Variants in ROR2 observed in about 807,000 individuals in gnomAD.
ROR2 encodes the protein ROR family WNT receptor 2, also known as tyrosine-protein kinase transmembrane receptor ROR2.
ROR2 carries 33 observed loss-of-function variants against 74.9 expected under a neutral mutation model. The observed-to-expected ratio is 0.44, with a 90% CI of 0.33 to 0.59. The LOEUF is 0.59. Ranked by LOEUF, ROR2 falls within the 20% of genes least tolerant of loss-of-function variation. The probability of loss-of-function intolerance (pLI) is 0.02; values close to 1 mark genes in which losing one functional copy is unlikely to be tolerated. For synonymous variants in ROR2, 586 were observed against 558.7 expected, an observed-to-expected ratio of 1.05 and a Z score of -0.69; for missense variants, 1,216 against 1,313.8, an observed-to-expected ratio of 0.93 and a Z score of 1.15.
At chr9:91,771,558 T>C (rs1369490414) in intron 2 of ROR2, among the ~76,000 whole-genome samples, 2 of 152,244 alleles carry the variant, frequency 1.3e-5, no homozygotes, top group African/African-American at 2.4e-5. Context: ...AACCAAGTCC[T>C]ACAGTCGCCT....
chr9:91,801,735 C>T (rs1337407614), intron 1 of ROR2, among the ~76,000 whole-genome samples: 1 of 152,202 alleles, frequency 6.6e-6, no homozygotes, highest in Non-Finnish European at 1.5e-5. Flanking sequence ...CACAAGTTCA[C>T]TCAACACAGA....
chr9:91,746,074 A>G (rs956216180), intron 4 of ROR2, among the ~76,000 whole-genome samples: 3 of 151,578 alleles, frequency 2.0e-5, no homozygotes, highest in Admixed American at 6.6e-5. Context: ...TTGTTTGTTT[A>G]TTTATTTATT....
At chr9:91,860,535 A>C (rs1043406398) in intron 1 of ROR2, among the ~76,000 whole-genome samples, 1 of 152,206 alleles carries the variant, frequency 6.6e-6, no homozygotes, top group African/African-American at 2.4e-5. Flanking sequence ...GGAGGCTGAA[A>C]GACCCACAAT....
At chr9:91,727,843 G>T (rs1459463366) in intron 7 of ROR2, among the ~76,000 whole-genome samples, 1 of 152,136 alleles carries the variant, frequency 6.6e-6, no homozygotes, top group East Asian at 1.9e-4. Flanking sequence ...ACATGCTACT[G>T]CCACCTTAGG....
At chr9:91,770,169 G>T (rs1336751986) in intron 2 of ROR2, among the ~76,000 whole-genome samples, 3 of 152,216 alleles carry the variant, frequency 2.0e-5, no homozygotes, top group Non-Finnish European at 4.4e-5. Context: ...TGCCCTCATG[G>T]TGGCCCTGGG....
At chr9:91,757,968 G>A (rs930613071) in intron 2 of ROR2, among the ~76,000 whole-genome samples, 2 of 152,120 alleles carry the variant, frequency 1.3e-5, no homozygotes, top group African/African-American at 2.4e-5. Context: ...TCTCCATAAG[G>A]CATGTCGCAG....
Position 91,726,600 on chromosome 9 carries a change from G to A in ROR2, c.1327C>T (p.Gln443Ter), listed in dbSNP as rs1485357365. Residue 443 changes from glutamine (Q) to a stop codon, truncating the protein, a stop_gained, in exon 8 of 9, where the codon CAG becomes TAG. Transcript: ENST00000375708. LOFTEE classifies it high-confidence loss of function. Reference protein sequence around the residue: ...KASASTPQRRQLMASPSQDME... With the variant: ...KASASTPQRR ...TCTTGGCTGGGCGAGGCCATCAGCT[G>A]TCGCCGCTGCGGTGTGGACGCAGAT... 13 of 1,613,692 alleles carry A rather than the reference G, an allele frequency of 8.1e-6. No individual in the cohort carries two copies. In the Admixed American group the frequency reaches 2.2e-4, roughly 27 times the overall value.
intron 5 of ROR2, among the ~76,000 whole-genome samples, chr9:91,734,541 C>T (rs1587667535): frequency 6.6e-6 from 1 of 151,590 alleles, no homozygotes; most frequent in East Asian, 2.0e-4. Flanking sequence ...CGTGTAAGTG[C>T]TGTGCCAGGT....
chr9:91,740,424 T>C (rs1028341234), intron 4 of ROR2, among the ~76,000 whole-genome samples: 4 of 151,732 alleles, frequency 2.6e-5, no homozygotes, highest in African/African-American at 7.3e-5. Context: ...TAGTGGTGGG[T>C]ACCTGTAGTC....
chr9:91,820,875 G>C (rs1297963641), intron 1 of ROR2, among the ~76,000 whole-genome samples: 1 of 152,162 alleles, frequency 6.6e-6, no homozygotes, highest in Non-Finnish European at 1.5e-5. Context: ...GCCAAGGCGG[G>C]TGGATCACCT....
rs1829591729 is a variant in ROR2 at position 91,865,190 on chromosome 9, C to G, written c.97+84677G>C. Among the ~76,000 whole-genome samples, 4 of 152,098 alleles carry G rather than the reference C, an allele frequency of 2.6e-5. No individual in the cohort carries two copies. In the South Asian group the frequency reaches 8.3e-4, roughly 32 times the overall value. On this transcript the variant is annotated intron_variant, in intron 1 of 8. Transcript: ENST00000375708. ...CTCCACGAGTTCTTTCACAGGACAA[C>G]AAAGAAAGAAACCACATGAAGGCAC...
intron 1 of ROR2, among the ~76,000 whole-genome samples, chr9:91,838,268 C>T (rs561748450): frequency 1.3e-5 from 2 of 152,312 alleles, no homozygotes; most frequent in South Asian, 2.1e-4. Flanking sequence ...CAGGCACCAC[C>T]AGGCCATTTC....
intron 1 of ROR2, among the ~76,000 whole-genome samples, chr9:91,850,821 A>G (rs1829067705): frequency 6.6e-6 from 1 of 152,190 alleles, no homozygotes. Flanking sequence ...TAGGGCTTCT[A>G]TTAAGATTTA....
intron 1 of ROR2, among the ~76,000 whole-genome samples, chr9:91,779,107 A>G (rs1480697504): frequency 6.6e-6 from 1 of 152,178 alleles, no homozygotes; most frequent in Non-Finnish European, 1.5e-5. Flanking sequence ...GAATAGTGTG[A>G]ACGTTAGTCA....
chr9:91,731,162 A>G lies in ROR2; in HGVS notation c.938-7T>C, dbSNP rs1837230949. 1 of 1,614,034 alleles carries G rather than the reference A, an allele frequency of 6.2e-7. No individual in the cohort carries two copies. The highest frequency in any genetic ancestry group is 8.5e-7 in the Non-Finnish European group (1 of 1,180,030). ...CCGTTATAGCACTGATGGTCTGAAC[A>G]AGGAAAACACGTTAGGAAAACCTCC... On this transcript the variant is annotated splice_region_variant and splice_polypyrimidine_tract_variant and intron_variant, in intron 6 of 8. Transcript: ENST00000375708.
chr9:91,842,889 A>G (rs1828825133), intron 1 of ROR2, among the ~76,000 whole-genome samples: 1 of 152,230 alleles, frequency 6.6e-6, no homozygotes, highest in Non-Finnish European at 1.5e-5. Context: ...TCCCCTCAAG[A>G]GGTGTCTTCC....
At chr9:91,822,867 A>G (rs1263812846) in intron 1 of ROR2, among the ~76,000 whole-genome samples, 1 of 152,192 alleles carries the variant, frequency 6.6e-6, no homozygotes, top group African/African-American at 2.4e-5. Flanking sequence ...CTTCTCCAAT[A>G]AGTCTTCTGG....
At chr9:91,882,489 T>C (rs943935335) in intron 1 of ROR2, among the ~76,000 whole-genome samples, 9 of 150,454 alleles carry the variant, frequency 6.0e-5, no homozygotes, top group African/African-American at 2.2e-4. Flanking sequence ...CAATTGACCA[T>C]GAAGAGGCAG....
chr9:91,734,929 AGGATGTCTT>A (rs1824973119), intron 5 of ROR2, among the ~76,000 whole-genome samples: 1 of 152,120 alleles, frequency 6.6e-6, no homozygotes, highest in Admixed American at 6.5e-5. Flanking sequence ...GTTACAGTAC[AGGATGTCTT>A]GGATTTGGAG....
Sources: gnomAD v4.1 joint callset for allele counts (sites outside exome capture counted in the v4.1 genomes callset) on GRCh38, gnomAD v4.1.1 for gene constraint, MANE v1.5 for transcripts, NCBI Gene and HGNC (gene_info 2026-07-23, HGNC 2026-07-21) for gene names.